Variants in HPSE2 observed in about 807,000 individuals in gnomAD.
The protein encoded by HPSE2 is inactive heparanase-2.
HPSE2 carries 38 observed loss-of-function variants against 60.5 expected under a neutral mutation model. That is an observed-to-expected ratio of 0.63 (90% CI 0.48 to 0.82). The LOEUF is 0.82. HPSE2 is among the 40% of genes least tolerant of loss of function. HPSE2 has a pLI of 0.00. For missense variants in HPSE2, 713 were observed against 740.4 expected (o/e 0.96, Z 0.43); for synonymous variants, 295 against 293.2 (o/e 1.01, Z -0.06).
intron 9 of HPSE2, among the ~76,000 whole-genome samples, chr10:98,573,842 C>T (rs1944568519): frequency 6.6e-6 from 1 of 152,092 alleles, no homozygotes. Context: ...ATGAAGCATA[C>T]CTAATGAGAA....
At chr10:98,736,306 G>A (rs1949357595) in intron 4 of HPSE2, among the ~76,000 whole-genome samples, 1 of 151,832 alleles carries the variant, frequency 6.6e-6, no homozygotes, top group Non-Finnish European at 1.5e-5. Flanking sequence ...ACATGGAACT[G>A]TGAGTGCTTT....
At chr10:98,547,339 T>C (rs944610645) in intron 9 of HPSE2, among the ~76,000 whole-genome samples, 1 of 147,608 alleles carries the variant, frequency 6.8e-6, no homozygotes, top group Admixed American at 6.8e-5. Flanking sequence ...CATGCTGCTA[T>C]AAAGACACAT....
chr10:98,554,689 A>T (rs556927059), intron 9 of HPSE2, among the ~76,000 whole-genome samples: 1 of 152,264 alleles, frequency 6.6e-6, no homozygotes, highest in African/African-American at 2.4e-5. Context: ...ACACCTAGAA[A>T]CCCTTGCAAT....
intron 3 of HPSE2, among the ~76,000 whole-genome samples, chr10:98,879,467 A>C (rs1202979325): frequency 1.3e-5 from 2 of 152,062 alleles, no homozygotes; most frequent in Non-Finnish European, 2.9e-5. Context: ...CTCTTGTTCC[A>C]GCTGGTGTCT....
intron 9 of HPSE2, among the ~76,000 whole-genome samples, chr10:98,512,794 A>G (rs934245323): frequency 4.7e-5 from 3 of 63,810 alleles, no homozygotes; most frequent in Non-Finnish European, 8.7e-5. Flanking sequence ...TCCCAGACCC[A>G]TTCCACTCCC....
chr10:98,913,268 T>C (rs1954030217), intron 3 of HPSE2, among the ~76,000 whole-genome samples: 1 of 152,162 alleles, frequency 6.6e-6, no homozygotes, highest in African/African-American at 2.4e-5. Context: ...AAACCTCCAG[T>C]AGCCAATAAA....
intron 6 of HPSE2, among the ~76,000 whole-genome samples, chr10:98,647,617 C>G (rs1001859222): frequency 1.3e-5 from 2 of 152,196 alleles, no homozygotes; most frequent in Non-Finnish European, 2.9e-5. Context: ...AAAACCTATT[C>G]TGCCGCCTCG....
chr10:99,116,110 C>A lies in HPSE2; in HGVS notation c.610+28128G>T, dbSNP rs143856212. Among the ~76,000 whole-genome samples, 225 of 152,142 alleles carry A rather than the reference C, an allele frequency of 1.5e-3. 1 individual carries two copies. The highest frequency in any genetic ancestry group is 5.2e-3 in the African/African-American group (215 of 41,500). On this transcript the variant is annotated intron_variant, in intron 3 of 11. Transcript: ENST00000370552. The stretch of plus-strand genomic sequence containing the variant: ...GTTTAGCTAAAATATGACAATGCTT[C>A]CCAAGACACATTTTCAGACCTTTAT...
At chr10:98,985,836 G>C (rs1422165256) in intron 3 of HPSE2, among the ~76,000 whole-genome samples, 2 of 152,120 alleles carry the variant, frequency 1.3e-5, no homozygotes, top group African/African-American at 4.8e-5. Flanking sequence ...GGCAGGGGTT[G>C]CAATCCTAGT....
At chr10:99,134,068 G>A (rs559190702) in intron 3 of HPSE2, among the ~76,000 whole-genome samples, 5 of 152,284 alleles carry the variant, frequency 3.3e-5, no homozygotes, top group South Asian at 2.1e-4. Context: ...CAAGAACTTC[G>A]TGAAGCATAC....
intron 5 of HPSE2, among the ~76,000 whole-genome samples, chr10:98,709,803 A>G (rs944309706): frequency 6.6e-6 from 1 of 151,776 alleles, no homozygotes; most frequent in Non-Finnish European, 1.5e-5. Context: ...TCTCTATTAT[A>G]ATAAGGCCCA....
intron 3 of HPSE2, among the ~76,000 whole-genome samples, chr10:98,964,142 C>G (rs953759812): frequency 1.3e-5 from 2 of 152,146 alleles, no homozygotes; most frequent in African/African-American, 2.4e-5. Context: ...TGAACTGTCA[C>G]TACTGCCCTC....
chr10:98,982,782 TTTAG>T (rs1312754506), intron 3 of HPSE2, among the ~76,000 whole-genome samples: 1 of 152,194 alleles, frequency 6.6e-6, no homozygotes, highest in African/African-American at 2.4e-5. Flanking sequence ...GTTTATCTCA[TTTAG>T]TTATTTACCT....
At chr10:98,680,824 C>T (rs1262866634) in intron 6 of HPSE2, among the ~76,000 whole-genome samples, 2 of 152,082 alleles carry the variant, frequency 1.3e-5, no homozygotes, top group African/African-American at 4.8e-5. Flanking sequence ...GGCATGATCT[C>T]GGCTCACTGT....
At chr10:98,942,782 G>T (rs191765785) in intron 3 of HPSE2, among the ~76,000 whole-genome samples, 1 of 152,014 alleles carries the variant, frequency 6.6e-6, no homozygotes, top group East Asian at 1.9e-4. Context: ...ACATGCACAC[G>T]TATGTTTATT....
chr10:99,224,232 T>G (rs1849402127), intron 2 of HPSE2, among the ~76,000 whole-genome samples: 2 of 152,066 alleles, frequency 1.3e-5, no homozygotes, highest in African/African-American at 4.8e-5. Flanking sequence ...TCAACTCAAT[T>G]AGATCATGAA....
intron 6 of HPSE2, among the ~76,000 whole-genome samples, chr10:98,642,586 G>T (rs1009929739): frequency 6.6e-6 from 1 of 152,122 alleles, no homozygotes; most frequent in Admixed American, 6.6e-5. Flanking sequence ...GATACTCATT[G>T]GTTTTTGTTT....
chr10:98,659,001 C>A (rs1402499025), intron 6 of HPSE2, among the ~76,000 whole-genome samples: 2 of 151,214 alleles, frequency 1.3e-5, no homozygotes, highest in African/African-American at 4.9e-5. Flanking sequence ...AGTACATTCA[C>A]AAAGTTGTAC....
chr10:99,209,583 C>G (rs894064144), intron 2 of HPSE2, among the ~76,000 whole-genome samples: 1 of 151,928 alleles, frequency 6.6e-6, no homozygotes, highest in Admixed American at 6.6e-5. Context: ...AAAAAAAGAA[C>G]AAACTAGGCC....
Sources: allele counts gnomAD v4.1 joint callset (sites outside exome capture counted in the v4.1 genomes callset), GRCh38; gene constraint gnomAD v4.1.1; transcripts MANE v1.5; gene names NCBI Gene and HGNC (gene_info 2026-07-23, HGNC 2026-07-21).